The following RBFOX1 variants were observed in gnomAD, a reference collection of about 807,000 sequenced individuals.
The protein encoded by RBFOX1 is RNA binding fox-1 homolog 1, also known as RNA binding protein fox-1 homolog 1.
Under a neutral mutation model 57.7 loss-of-function variants are expected in RBFOX1, and 8 were observed. That is an observed-to-expected ratio of 0.14 (90% CI 0.08 to 0.25). The LOEUF is 0.25. Ranked by LOEUF, RBFOX1 falls within the 10% of genes least tolerant of loss-of-function variation. RBFOX1 has a pLI of 1.00. For missense variants in RBFOX1, 611 were observed against 548.5 expected, an observed-to-expected ratio of 1.11 and a Z score of -1.14; for synonymous variants, 326 against 222.4, an observed-to-expected ratio of 1.47 and a Z score of -4.15.
chr16:7,237,064 T>G (rs556637316), intron 4 of RBFOX1, among the ~76,000 whole-genome samples: 6 of 152,208 alleles, frequency 3.9e-5, no homozygotes, highest in Non-Finnish European at 1.5e-5. Flanking sequence ...TCAGGAGAGG[T>G]AGAGAGCTGT....
intron 1 of RBFOX1, among the ~76,000 whole-genome samples, chr16:5,391,885 G>GTT (rs567860174): frequency 8.2e-6 from 1 of 121,260 alleles, no homozygotes; most frequent in African/African-American, 3.4e-5. Flanking sequence ...GTGTGTGTGT[G>GTT]TGTATACACA....
intron 1 of RBFOX1, among the ~76,000 whole-genome samples, chr16:6,262,654 G>T (rs1380289403): frequency 6.6e-5 from 10 of 152,260 alleles, no homozygotes; most frequent in African/African-American, 2.2e-4. Context: ...TATGTTCTGG[G>T]AAGAATCGGA....
At chr16:7,288,370 C>A (rs111785890) in intron 4 of RBFOX1, among the ~76,000 whole-genome samples, 5 of 152,310 alleles carry the variant, frequency 3.3e-5, no homozygotes, top group African/African-American at 1.2e-4. Context: ...GTTAGGGCCT[C>A]AGGGTGTACA....
intron 4 of RBFOX1, among the ~76,000 whole-genome samples, chr16:7,469,288 C>A (rs1468293173): frequency 1.3e-5 from 2 of 151,744 alleles, no homozygotes; most frequent in African/African-American, 2.4e-5. Context: ...GGTCTCGAAC[C>A]CCTGACCTCA....
chr16:6,687,862 G>T (rs1233993412), intron 3 of RBFOX1, among the ~76,000 whole-genome samples: 2 of 152,118 alleles, frequency 1.3e-5, no homozygotes, highest in African/African-American at 4.8e-5. Flanking sequence ...TGTGTGCTCA[G>T]GAAGCACAAA....
intron 2 of RBFOX1, among the ~76,000 whole-genome samples, chr16:6,336,175 ATATATATTTTTTTTTTTTTTTT>A (rs1408430163): frequency 3.5e-4 from 11 of 31,476 alleles, no homozygotes; most frequent in African/African-American, 1.0e-3. Flanking sequence ...ATATATATAT[ATATATATTTTTTTTTTTTTTTT>A]TTTTTTTTTT....
intron 2 of RBFOX1, among the ~76,000 whole-genome samples, chr16:6,510,816 A>G (rs1024557542): frequency 6.6e-6 from 1 of 152,088 alleles, no homozygotes; most frequent in Non-Finnish European, 1.5e-5. Flanking sequence ...GGTTTTTGTC[A>G]TTTGTTAAGT....
chr16:6,127,831 C>T (rs962036011), intron 1 of RBFOX1, among the ~76,000 whole-genome samples: 13 of 152,064 alleles, frequency 8.5e-5, no homozygotes, highest in Non-Finnish European at 1.8e-4. Flanking sequence ...TTTGTAAAAC[C>T]TAAAAAAAAT....
At chr16:7,336,242 G>A (rs62014054) in intron 4 of RBFOX1, among the ~76,000 whole-genome samples, 194 of 152,264 alleles carry the variant, frequency 1.3e-3, no homozygotes, top group Non-Finnish European at 2.4e-3. Context: ...CAAAACAACA[G>A]CTTTGTAACT....
intron 3 of RBFOX1, among the ~76,000 whole-genome samples, chr16:6,954,400 T>G (rs956314655): frequency 1.3e-5 from 2 of 152,136 alleles, no homozygotes; most frequent in African/African-American, 4.8e-5. Context: ...GATGTGTCCC[T>G]CGTTTGCATT....
In RBFOX1 at chr16:6,403,701, C is replaced by G. The variant is rs146103060; in HGVS notation, c.-64+86644C>G. ...CCAATATATTTCTAATTATTGGACC[C>G]TCAAGTGCATCTGGAGAGGACACCG... On this transcript the variant is annotated intron_variant, in intron 2 of 15. Transcript: ENST00000550418. Among the ~76,000 whole-genome samples the G allele has an allele frequency of 1.8e-3, 270 of 152,216 alleles. 4 individuals carry two copies. The highest frequency in any genetic ancestry group is 0.012 in the Admixed American group (186 of 15,284).
chr16:6,762,663 C>T (rs751042338), intron 3 of RBFOX1, among the ~76,000 whole-genome samples: 1 of 152,140 alleles, frequency 6.6e-6, no homozygotes, highest in Non-Finnish European at 1.5e-5. Flanking sequence ...CTCCATTAAA[C>T]TTGGCATTTG....
At chr16:7,653,973 G>A (rs1185791636) in intron 12 of RBFOX1, 26 bp downstream of exon 12, 9 of 1,473,546 alleles carry the variant, frequency 6.1e-6, no homozygotes, top group African/African-American at 2.8e-5. Flanking sequence ...TCCTGGGTGG[G>A]CCTCCCTGCA....
intron 5 of RBFOX1, among the ~76,000 whole-genome samples, chr16:7,576,097 T>TC (rs2093316051): frequency 1.6e-5 from 1 of 63,886 alleles, no homozygotes; most frequent in South Asian, 9.4e-4. Context: ...TGATCAGCTA[T>TC]TTTTTTTTTT....
chr16:6,963,777 C>G (rs1355688045), intron 3 of RBFOX1, among the ~76,000 whole-genome samples: 2 of 152,024 alleles, frequency 1.3e-5, no homozygotes, highest in Non-Finnish European at 2.9e-5. Context: ...CGGCTCACTG[C>G]AAGCTCCACC....
intron 3 of RBFOX1, among the ~76,000 whole-genome samples, chr16:6,844,624 G>A (rs576030160): frequency 6.9e-4 from 105 of 151,978 alleles, no homozygotes; most frequent in African/African-American, 2.3e-3. Context: ...CTTTGCTATC[G>A]TGAATAGTGC....
intron 2 of RBFOX1, among the ~76,000 whole-genome samples, chr16:6,602,590 G>C (rs1032688292): frequency 6.6e-6 from 1 of 152,046 alleles, no homozygotes; most frequent in African/African-American, 2.4e-5. Context: ...GAGGCCAGGC[G>C]GGGACTCCTG....
chr16:7,441,050 GAAAAA>G (rs35919593), intron 4 of RBFOX1, among the ~76,000 whole-genome samples: 1 of 147,780 alleles, frequency 6.8e-6, no homozygotes, highest in Non-Finnish European at 1.5e-5. Flanking sequence ...AAAAACCAAA[GAAAAA>G]AAAAAGACAG....
At chr16:6,485,779 AAGCTT>A (rs1181354915) in intron 2 of RBFOX1, among the ~76,000 whole-genome samples, 3 of 152,130 alleles carry the variant, frequency 2.0e-5, no homozygotes, top group Non-Finnish European at 4.4e-5. Context: ...TTATTGGACT[AAGCTT>A]ATTTTTACAT....
Sources: allele counts gnomAD v4.1 joint callset (sites outside exome capture counted in the v4.1 genomes callset), GRCh38; gene constraint gnomAD v4.1.1; transcripts MANE v1.5; gene names NCBI Gene and HGNC (gene_info 2026-07-23, HGNC 2026-07-21).